Variants in TMEM161B observed in about 807,000 individuals in gnomAD.
TMEM161B encodes transmembrane protein 161B.
TMEM161B carries 34 observed loss-of-function variants against 61.8 expected under a neutral mutation model. The ratio of observed to expected loss-of-function variants is 0.55; its 90% CI spans 0.42 to 0.73. The LOEUF (loss-of-function observed/expected upper bound fraction) is 0.73, where lower values mean the gene tolerates loss of function less well. Among genes scored for constraint, TMEM161B ranks in the 30% least tolerant of loss-of-function variants. The pLI is 0.00. For synonymous variants in TMEM161B, 167 were observed against 192.8 expected (o/e 0.87, Z 1.11); for missense variants, 456 against 558.5 (o/e 0.82, Z 1.85).
intron 1 of TMEM161B, among the ~76,000 whole-genome samples, chr5:88,246,384 C>T (rs1269247790): frequency 6.6e-6 from 1 of 151,624 alleles, no homozygotes; most frequent in South Asian, 2.1e-4. Flanking sequence ...CCAGTTGCTC[C>T]TTTTCATGTA....
Position 88,268,839 on chromosome 5 carries a change from C to T in TMEM161B, c.-116G>A, listed in dbSNP as rs926639454. 4.5e-6 allele frequency: 7 copies of T among 1,558,812 alleles called. No homozygotes were observed. The highest frequency in any genetic ancestry group is 4.1e-5 in the African/African-American group (3 of 73,108). ...TCAAACAGCGAAAGAGAGGGTCTTC[C>T]GGCTCTGCCGGAAGTTGTGCGCGCG... is the stretch of plus-strand genomic sequence containing the variant. On this transcript the variant is annotated 5_prime_UTR_variant, in exon 1 of 12. Transcript: ENST00000296595.
chr5:88,256,074 G>A (rs1001317691), intron 1 of TMEM161B, among the ~76,000 whole-genome samples: 11 of 152,096 alleles, frequency 7.2e-5, no homozygotes, highest in Non-Finnish European at 1.3e-4. Context: ...AACAAAGAGG[G>A]AAAGGAAAAA....
chr5:88,241,623 G>C (rs1308775476), intron 1 of TMEM161B, among the ~76,000 whole-genome samples: 1 of 151,714 alleles, frequency 6.6e-6, no homozygotes, highest in African/African-American at 2.4e-5. Context: ...GGCAGAACTG[G>C]CCTGAAAGTC....
chr5:88,262,467 T>C (rs961051386), intron 1 of TMEM161B, among the ~76,000 whole-genome samples: 5 of 152,176 alleles, frequency 3.3e-5, no homozygotes, highest in Admixed American at 6.6e-5. Flanking sequence ...TATATCACCT[T>C]TGTTCATAAT....
At chr5:88,242,701 C>T (rs74350138) in intron 1 of TMEM161B, among the ~76,000 whole-genome samples, 2,631 of 151,652 alleles carry the variant, frequency 0.017, 64 homozygotes, top group African/African-American at 0.059. Flanking sequence ...AGAAATTGTG[C>T]CTGGTACAGA....
intron 1 of TMEM161B, among the ~76,000 whole-genome samples, chr5:88,244,473 A>G (rs1753272701): frequency 6.6e-6 from 1 of 151,390 alleles, no homozygotes; most frequent in South Asian, 2.1e-4. Flanking sequence ...TGAGTTCCCT[A>G]TGCTGCTCCA....
downstream of TMEM161B, among the ~76,000 whole-genome samples, chr5:88,193,740 G>A (rs1025837177): frequency 6.6e-6 from 1 of 152,070 alleles, no homozygotes; most frequent in African/African-American, 2.4e-5. Context: ...TTAAAATGTA[G>A]CTCTTTGGTA....
At chr5:88,231,854 C>T (rs1751043871) in intron 2 of TMEM161B, among the ~76,000 whole-genome samples, 1 of 152,108 alleles carries the variant, frequency 6.6e-6, no homozygotes, top group South Asian at 2.1e-4. Context: ...CTGATCAATA[C>T]CCAAGCTTCT....
intron 5 of TMEM161B, among the ~76,000 whole-genome samples, chr5:88,211,903 A>G (rs1392950648): frequency 6.6e-6 from 1 of 152,154 alleles, no homozygotes; most frequent in African/African-American, 2.4e-5. Flanking sequence ...TCTCAAAGAC[A>G]TAATCAAAGA....
intron 5 of TMEM161B, among the ~76,000 whole-genome samples, chr5:88,208,600 C>T (rs1746050880): frequency 6.6e-6 from 1 of 152,166 alleles, no homozygotes; most frequent in African/African-American, 2.4e-5. Flanking sequence ...CGAGATAGCA[C>T]CACTGCACTC....
At chr5:88,217,290 A>C (rs1748042477) in intron 5 of TMEM161B, among the ~76,000 whole-genome samples, 1 of 152,174 alleles carries the variant, frequency 6.6e-6, no homozygotes, top group South Asian at 2.1e-4. Flanking sequence ...GATTAAGCAA[A>C]TCAGTTACTT....
rs548334547 is a variant in TMEM161B at position 88,262,899 on chromosome 5, T to C, written c.3+5822A>G. Among the ~76,000 whole-genome samples, 17 of 152,230 alleles carry C rather than the reference T, an allele frequency of 1.1e-4. No homozygotes were observed. The Middle Eastern group carries it at 0.014, about 122-fold the overall frequency. ...GATTTCTGTGAACCTAAAACTACTC[T>C]TTAAAAAGTCTGCAAAAAAATTTTA... On this transcript the variant is annotated intron_variant, in intron 1 of 11. Transcript: ENST00000296595.
intron 11 of TMEM161B, 29 bp from the exon 12 acceptor site, chr5:88,196,517 T>C: frequency 6.5e-7 from 1 of 1,528,492 alleles, no homozygotes; most frequent in Non-Finnish European, 8.7e-7. Flanking sequence ...AAATACAATT[T>C]GAAGAGTAAC....
chr5:88,227,183 CTT>C (rs1222171270), intron 3 of TMEM161B, among the ~76,000 whole-genome samples: 1 of 152,138 alleles, frequency 6.6e-6, no homozygotes, highest in East Asian at 1.9e-4. Flanking sequence ...GAGTGAGACT[CTT>C]TCTACATAAC....
At chr5:88,254,901 G>A (rs921102065) in intron 1 of TMEM161B, among the ~76,000 whole-genome samples, 1 of 151,662 alleles carries the variant, frequency 6.6e-6, no homozygotes, top group African/African-American at 2.4e-5. Flanking sequence ...CATTATACAG[G>A]TTACAAGAAT....
intron 2 of TMEM161B, among the ~76,000 whole-genome samples, chr5:88,231,829 T>C (rs1244355616): frequency 3.3e-5 from 5 of 152,218 alleles, no homozygotes; most frequent in African/African-American, 9.6e-5. Flanking sequence ...CCTCTGGTCA[T>C]AACATTTTCA....
chr5:88,199,724 T>A (rs1165796756), intron 9 of TMEM161B: 1 of 152,114 alleles, frequency 6.6e-6, no homozygotes, highest in African/African-American at 2.4e-5. Context: ...TCCTCAAGGT[T>A]AAGGTTAAGA....
At chr5:88,264,591 C>T (rs542577025) in intron 1 of TMEM161B, among the ~76,000 whole-genome samples, 7 of 151,990 alleles carry the variant, frequency 4.6e-5, no homozygotes, top group Non-Finnish European at 5.9e-5. Context: ...GGGTATATAC[C>T]CAAAGGACTA....
intron 9 of TMEM161B, chr5:88,199,687 G>A (rs358288): frequency 0.84 from 127,325 of 152,126 alleles, 53,450 homozygotes; most frequent in Non-Finnish European, 0.88. Flanking sequence ...CTTGCTATGC[G>A]TTGAAGCTGG....
Sources: gnomAD v4.1 joint callset for allele counts (sites outside exome capture counted in the v4.1 genomes callset) on GRCh38, gnomAD v4.1.1 for gene constraint, MANE v1.5 for transcripts, NCBI Gene and HGNC (gene_info 2026-07-23, HGNC 2026-07-21) for gene names.